The following RGS7 variants were observed in gnomAD, a reference collection of about 807,000 sequenced individuals.
RGS7 encodes the protein regulator of G protein signaling 7, also known as regulator of G-protein signaling 7.
RGS7 carries 27 observed loss-of-function variants against 81.1 expected under a neutral mutation model. The observed-to-expected ratio is 0.33, with a 90% confidence interval of 0.25 to 0.46. The LOEUF is 0.46. RGS7 is among the 20% of genes least tolerant of loss of function. RGS7 has a pLI of 1.00. For missense variants in RGS7, 396 were observed against 607.4 expected, an observed-to-expected ratio of 0.65 and a Z score of 3.66; for synonymous variants, 208 against 207.7, an observed-to-expected ratio of 1.00 and a Z score of -0.01.
Position 241,073,865 on chromosome 1 carries a change from AGAGAT to A in RGS7, c.175+24796_175+24800del, listed in dbSNP as rs551811399. 2.8e-4 allele frequency among the ~76,000 whole-genome samples: 42 copies of A among 151,250 alleles called. No individual in the cohort carries two copies. In the East Asian group the frequency reaches 3.7e-3, roughly 13 times the overall value. ...TATGCCGTACCTTAGCGATAAAAGTAGAGATGATTAACTGTCTTTCTGTCTTTGTC... is the reference window on the plus strand; with the variant it reads ...TATGCCGTACCTTAGCGATAAAAGTAGATTAACTGTCTTTCTGTCTTTGTC... On this transcript the variant is annotated intron_variant, in intron 3 of 18. Coordinates refer to ENST00000440928, the MANE Select transcript of RGS7 (RefSeq NM_001364886.1).
intron 14 of RGS7, among the ~76,000 whole-genome samples, chr1:240,808,439 C>G (rs548171066): frequency 2.0e-5 from 3 of 152,356 alleles, no homozygotes; most frequent in East Asian, 3.9e-4. Context: ...AGTGCAGGCA[C>G]TGCTCTAAGT....
intron 14 of RGS7, among the ~76,000 whole-genome samples, chr1:240,810,967 G>C (rs1295774336): frequency 6.6e-6 from 1 of 152,118 alleles, no homozygotes; most frequent in Non-Finnish European, 1.5e-5. Context: ...TTCTGTCTGT[G>C]GTCATTTTGC....
chr1:241,332,572 A>G (rs2082030494), intron 2 of RGS7, among the ~76,000 whole-genome samples: 1 of 152,158 alleles, frequency 6.6e-6, no homozygotes, highest in Non-Finnish European at 1.5e-5. Context: ...GAATGAGACA[A>G]CTTCCGCGGC....
intron 3 of RGS7, among the ~76,000 whole-genome samples, chr1:241,050,255 G>A (rs1263815805): frequency 8.3e-6 from 1 of 120,154 alleles, no homozygotes; most frequent in Admixed American, 8.5e-5. Flanking sequence ...GGTGCCTGAG[G>A]GGTGGCTATT....
intron 9 of RGS7, among the ~76,000 whole-genome samples, chr1:240,837,805 C>A (rs1694959167): frequency 6.6e-6 from 1 of 152,134 alleles, no homozygotes. Context: ...ACATGGTATG[C>A]TGTAAAGGCT....
At chr1:241,221,047 GAA>G (rs2074949717) in intron 2 of RGS7, among the ~76,000 whole-genome samples, 1 of 100,274 alleles carries the variant, frequency 1.0e-5, no homozygotes, top group South Asian at 4.0e-4. Flanking sequence ...GGAAAAGAAA[GAA>G]AGAAAGAAAG....
intron 3 of RGS7, among the ~76,000 whole-genome samples, chr1:241,063,756 T>C (rs1572510074): frequency 6.6e-6 from 1 of 152,208 alleles, no homozygotes; most frequent in South Asian, 2.1e-4. Flanking sequence ...TGTTTTTTTT[T>C]TATTGCATGT....
At chr1:241,259,667 A>AAAAAAAAAAAAAAATATATATATATAT in intron 2 of RGS7, among the ~76,000 whole-genome samples, 1 of 49,142 alleles carries the variant, frequency 2.0e-5, no homozygotes, top group African/African-American at 8.0e-5. Context: ...AAAAAAAAAA[A>AAAAAAAAAAAAAAATATATATATATAT]ATATATATAT....
intron 2 of RGS7, among the ~76,000 whole-genome samples, chr1:241,231,578 C>T (rs565863270): frequency 2.0e-5 from 3 of 152,128 alleles, no homozygotes; most frequent in African/African-American, 7.2e-5. Context: ...AGGCTGGTCT[C>T]GAACTCCTGA....
chr1:241,087,968 C>CTA (rs1213344745), intron 3 of RGS7, among the ~76,000 whole-genome samples: 2 of 87,288 alleles, frequency 2.3e-5, no homozygotes, highest in African/African-American at 8.6e-5. Context: ...CTCTCTCTCT[C>CTA]TCTCTCTCTA....
At chr1:240,830,642 C>G (rs1693677876) in intron 9 of RGS7, among the ~76,000 whole-genome samples, 2 of 152,200 alleles carry the variant, frequency 1.3e-5, no homozygotes, top group East Asian at 3.9e-4. Context: ...GAAACCTACC[C>G]TTCAAATAGG....
At chr1:241,296,285 G>A (rs2079420194) in intron 2 of RGS7, among the ~76,000 whole-genome samples, 1 of 152,126 alleles carries the variant, frequency 6.6e-6, no homozygotes, top group South Asian at 2.1e-4. Context: ...GACACAGCCA[G>A]AAGCAGCAAA....
intron 2 of RGS7, among the ~76,000 whole-genome samples, chr1:241,219,235 G>A (rs2074753952): frequency 2.0e-5 from 3 of 152,100 alleles, no homozygotes; most frequent in Admixed American, 2.0e-4. Context: ...GAATCATGAG[G>A]GCAAGTTTTT....
chr1:241,152,822 C>A (rs571593966), intron 2 of RGS7, among the ~76,000 whole-genome samples: 34 of 152,350 alleles, frequency 2.2e-4, no homozygotes, highest in Admixed American at 3.9e-4. Context: ...GCAATGCCCC[C>A]ATTTGCCAGA....
At chr1:241,067,743 G>A (rs966226199) in intron 3 of RGS7, among the ~76,000 whole-genome samples, 5 of 151,976 alleles carry the variant, frequency 3.3e-5, no homozygotes, top group Non-Finnish European at 5.9e-5. Context: ...TCGAACTCCT[G>A]ACCTCAGGTG....
chr1:241,097,026 C>A (rs2064303752), intron 3 of RGS7, among the ~76,000 whole-genome samples: 1 of 152,062 alleles, frequency 6.6e-6, no homozygotes, highest in Middle Eastern at 3.4e-3. Flanking sequence ...AACTCTGAAT[C>A]CTTGACCAAA....
At chr1:241,252,778 C>A (rs1176326362) in intron 2 of RGS7, among the ~76,000 whole-genome samples, 4 of 152,164 alleles carry the variant, frequency 2.6e-5, no homozygotes, top group African/African-American at 9.7e-5. Context: ...ATTTTCACCT[C>A]CTCTAGGCAG....
At chr1:241,190,918 G>A (rs1261501318) in intron 2 of RGS7, among the ~76,000 whole-genome samples, 1 of 152,040 alleles carries the variant, frequency 6.6e-6, no homozygotes, top group Non-Finnish European at 1.5e-5. Flanking sequence ...TAAGTGTAAT[G>A]TTAGCTGTAG....
chr1:241,237,202 C>T (rs2076026883), intron 2 of RGS7, among the ~76,000 whole-genome samples: 5 of 152,174 alleles, frequency 3.3e-5, no homozygotes, highest in Admixed American at 2.0e-4. Context: ...AAGAATTACA[C>T]GTGACTTCTG....
Sources: gnomAD v4.1 joint callset for allele counts (sites outside exome capture counted in the v4.1 genomes callset) on GRCh38, gnomAD v4.1.1 for gene constraint, MANE v1.5 for transcripts, NCBI Gene and HGNC (gene_info 2026-07-23, HGNC 2026-07-21) for gene names.